The following UGT2B4 variants were observed in gnomAD, a reference collection of about 807,000 sequenced individuals.
The protein encoded by UGT2B4 is UDP glucuronosyltransferase family 2 member B4, also known as UDP-glucuronosyltransferase 2B4.
Under a neutral mutation model 49.8 loss-of-function variants are expected in UGT2B4, and 49 were observed. That is an observed-to-expected ratio of 0.98 (90% CI 0.78 to 1.25). UGT2B4 has a LOEUF of 1.25. UGT2B4 is among the 50% of genes most tolerant of loss of function. UGT2B4 has a pLI of 0.00. For synonymous variants in UGT2B4, 246 were observed against 217.7 expected (o/e 1.13, Z -1.14); for missense variants, 729 against 627.7 (o/e 1.16, Z -1.73).
chr4:69,515,443 T>C (rs942395045), intron 1 of UGT2B4, among the ~76,000 whole-genome samples: 5 of 152,052 alleles, frequency 3.3e-5, no homozygotes, highest in Admixed American at 6.6e-5. Context: ...AAGGCAGAAG[T>C]TAATGAGTTC....
intron 1 of UGT2B4, among the ~76,000 whole-genome samples, chr4:69,506,070 A>G (rs2109824356): frequency 6.6e-6 from 1 of 152,278 alleles, no homozygotes; most frequent in Non-Finnish European, 1.5e-5. Flanking sequence ...GGATAAACCC[A>G]AGCAGTGTTA....
chr4:69,493,901 T>G, intron 1 of UGT2B4, 60 bp from the exon 2 acceptor site: 1 of 1,541,440 alleles, frequency 6.5e-7, no homozygotes, highest in South Asian at 1.3e-5. Flanking sequence ...TAGGTAATTT[T>G]CTGAAAGAAG....
intron 1 of UGT2B4, among the ~76,000 whole-genome samples, chr4:69,511,289 T>C (rs1461744820): frequency 6.6e-6 from 1 of 152,064 alleles, no homozygotes; most frequent in African/African-American, 2.4e-5. Context: ...CGTGCTCAGC[T>C]GTTCTTTCTT....
intron 1 of UGT2B4, among the ~76,000 whole-genome samples, chr4:69,518,803 A>G (rs1728787660): frequency 6.6e-6 from 1 of 152,188 alleles, no homozygotes; most frequent in South Asian, 2.1e-4. Flanking sequence ...TGACTACCCA[A>G]TGATTTAATA....
intron 2 of UGT2B4, among the ~76,000 whole-genome samples, chr4:69,491,136 T>C (rs1727973472): frequency 6.6e-6 from 1 of 152,100 alleles, no homozygotes; most frequent in Non-Finnish European, 1.5e-5. Context: ...AATGTACACT[T>C]GTGACGTTTA....
intron 2 of UGT2B4, among the ~76,000 whole-genome samples, chr4:69,491,477 A>G (rs1424988586): frequency 6.6e-6 from 1 of 152,064 alleles, no homozygotes; most frequent in Non-Finnish European, 1.5e-5. Context: ...TTAATACTTA[A>G]TACATTTGCC....
At chr4:69,518,995 T>G (rs1289633099) in intron 1 of UGT2B4, among the ~76,000 whole-genome samples, 1 of 152,138 alleles carries the variant, frequency 6.6e-6, no homozygotes, top group Non-Finnish European at 1.5e-5. Flanking sequence ...TATACAATGT[T>G]GCCAAAGAAG....
chr4:69,501,411 A>T (rs1262196991), intron 1 of UGT2B4, among the ~76,000 whole-genome samples: 1 of 152,046 alleles, frequency 6.6e-6, no homozygotes, highest in East Asian at 1.9e-4. Context: ...GCCACTAGAG[A>T]TTTGAAAACA....
intron 1 of UGT2B4, among the ~76,000 whole-genome samples, chr4:69,510,406 T>C (rs1728576092): frequency 1.3e-5 from 2 of 152,110 alleles, no homozygotes; most frequent in Non-Finnish European, 2.9e-5. Context: ...AAAAATGTCA[T>C]GGGTCTTTTA....
At chr4:69,519,666 G>A (rs1290864914) in intron 1 of UGT2B4, among the ~76,000 whole-genome samples, 1 of 148,460 alleles carries the variant, frequency 6.7e-6, no homozygotes, top group Non-Finnish European at 1.5e-5. Flanking sequence ...TCTCACTAGG[G>A]TCTTCTTTGG....
chr4:69,523,237 G>A (rs1728885374), intron 1 of UGT2B4, among the ~76,000 whole-genome samples: 1 of 151,880 alleles, frequency 6.6e-6, no homozygotes, highest in African/African-American at 2.4e-5. Context: ...ATACTTTACA[G>A]AACGTTTTCA....
At chr4:69,512,743 G>A (rs1728637787) in intron 1 of UGT2B4, among the ~76,000 whole-genome samples, 2 of 151,784 alleles carry the variant, frequency 1.3e-5, no homozygotes, top group Non-Finnish European at 2.9e-5. Context: ...TGTTTGTTTT[G>A]TTTTGTTTTG....
chr4:69,502,031 G>T (rs1728330979), intron 1 of UGT2B4, among the ~76,000 whole-genome samples: 1 of 151,860 alleles, frequency 6.6e-6, no homozygotes. Flanking sequence ...TCCTGGGTGG[G>T]ACATCATCCT....
At chr4:69,517,226 T>A (rs1226872842) in intron 1 of UGT2B4, among the ~76,000 whole-genome samples, 3 of 152,142 alleles carry the variant, frequency 2.0e-5, no homozygotes, top group African/African-American at 7.2e-5. Context: ...AAATTTTTGT[T>A]TAGCCCTCCC....
chr4:69,486,749 G>T lies in UGT2B4; in HGVS notation c.1003-53C>A. ...CCATGAGTGGAACTCAAAAGTCATA[G>T]AATGTTAGAAATCTAAAGAGATTAA... On this transcript the variant is annotated intron_variant, in intron 3 of 5. Coordinates refer to ENST00000305107, the MANE Select transcript of UGT2B4 (RefSeq NM_021139.3). 5.2e-6 allele frequency: 7 copies of T among 1,356,584 alleles called. No homozygotes were observed. In the Middle Eastern group the frequency reaches 5.9e-4, roughly 114 times the overall value. 84.0% of individuals were successfully genotyped at this position (1,356,584 alleles called of 1,614,324 possible). A position where few individuals can be genotyped will look rare whatever the true frequency, so the allele number is the denominator to read the frequency against.
intron 5 of UGT2B4, among the ~76,000 whole-genome samples, chr4:69,484,370 A>G (rs372184687): frequency 9.2e-5 from 14 of 152,216 alleles, no homozygotes; most frequent in East Asian, 7.7e-4. Context: ...ACTGGAAACA[A>G]TCAAAAGGTG....
Position 69,480,785 on chromosome 4 carries a change from G to T in UGT2B4, c.1436C>A (p.Ala479Glu). 9.3e-6 allele frequency: 15 copies of T among 1,613,968 alleles called. No homozygotes were observed. Among genetic ancestry groups the T allele is most frequent in the Non-Finnish European group, 1.3e-5 (15 of 1,179,884 alleles). The change falls in exon 6 of 6, where the codon GCA (alanine) becomes GAA (glutamate). Residue 479 changes from alanine (A) to glutamate (E), a missense_variant. Physicochemically the swap from Ala to Glu is moderately radical, Grantham distance 107. Coordinates refer to ENST00000305107, the MANE Select transcript of UGT2B4 (RefSeq NM_021139.3). ...RHKGAKHLRV[A>E]AHDLTWFQYH... Reference sequence around the variant, plus strand: ...CTGGAACCAGGTGAGGTCGTGGGCTGCAACCCGAAGGTGCTTGGCTCCTTT... The same window carrying T: ...CTGGAACCAGGTGAGGTCGTGGGCTTCAACCCGAAGGTGCTTGGCTCCTTT...
chr4:69,499,394 T>C (rs916885779), upstream of UGT2B4, among the ~76,000 whole-genome samples: 2 of 152,182 alleles, frequency 1.3e-5, no homozygotes, highest in Non-Finnish European at 2.9e-5. Flanking sequence ...GATCCAGAGT[T>C]GAGTTCAAGT....
intron 1 of UGT2B4, among the ~76,000 whole-genome samples, chr4:69,522,218 A>ATCG (rs72601817): frequency 1.3e-5 from 2 of 151,760 alleles, no homozygotes; most frequent in African/African-American, 4.8e-5. Flanking sequence ...ATTAGAAATC[A>ATCG]TATTTACTTC....
Sources: gnomAD v4.1 joint callset for allele counts (sites outside exome capture counted in the v4.1 genomes callset) on GRCh38, gnomAD v4.1.1 for gene constraint, MANE v1.5 for transcripts, NCBI Gene and HGNC (gene_info 2026-07-23, HGNC 2026-07-21) for gene names.